Variants in EPHA7 observed in about 807,000 individuals in gnomAD.
The protein encoded by EPHA7 is EPH receptor A7, also known as ephrin type-A receptor 7.
EPHA7 carries 25 observed loss-of-function variants against 112.6 expected under a neutral mutation model. The observed-to-expected ratio is 0.22, with a 90% confidence interval of 0.16 to 0.31. The LOEUF (loss-of-function observed/expected upper bound fraction) is 0.31. Ranked by LOEUF, EPHA7 falls within the 10% of genes least tolerant of loss-of-function variation. The pLI is 1.00. For missense variants in EPHA7, 962 were observed against 1,212.6 expected, an observed-to-expected ratio of 0.79 and a Z score of 3.07; for synonymous variants, 437 against 406.5, an observed-to-expected ratio of 1.07 and a Z score of -0.90.
chr6:93,402,582 A>G (rs1245084276), intron 3 of EPHA7, among the ~76,000 whole-genome samples: 1 of 152,052 alleles, frequency 6.6e-6, no homozygotes, highest in Non-Finnish European at 1.5e-5. Flanking sequence ...GACATAAAAA[A>G]TTGTAAAGGT....
At chr6:93,322,431 GC>G (rs1299684813) in intron 5 of EPHA7, among the ~76,000 whole-genome samples, 2 of 151,434 alleles carry the variant, frequency 1.3e-5, no homozygotes, top group African/African-American at 4.8e-5. Context: ...AAAATATAAA[GC>G]CCCCCAGGAA....
At chr6:93,300,875 C>T (rs72914220) in intron 5 of EPHA7, among the ~76,000 whole-genome samples, 13,046 of 152,178 alleles carry the variant, frequency 0.086, 777 homozygotes, top group Non-Finnish European at 0.13. Flanking sequence ...CTTACACAAA[C>T]TGAGATAGTA....
chr6:93,296,851 T>C (rs1007429900), intron 5 of EPHA7, among the ~76,000 whole-genome samples: 10 of 151,902 alleles, frequency 6.6e-5, no homozygotes, highest in Admixed American at 2.6e-4. Context: ...GCCTATCACA[T>C]TGGCAACTTC....
At position 93,274,189 on chromosome 6, in the gene EPHA7, T is replaced by C. The variant is rs148585221; in HGVS notation, c.1325-1767A>G. Among the ~76,000 whole-genome samples the C allele has an allele frequency of 4.7e-3, 720 of 151,980 alleles. 8 individuals are homozygous for C. The highest frequency in any genetic ancestry group is 0.017 in the African/African-American group (691 of 41,494). ...CTAGGTTTCTTTCAAATAACACCAA[T>C]AGCCTACTGTGATTTTCAGTATAAG... On this transcript the variant is annotated intron_variant, in intron 5 of 16. Coordinates refer to ENST00000369303, the MANE Select transcript of EPHA7 (RefSeq NM_004440.4).
At chr6:93,349,728 A>C (rs973595620) in intron 5 of EPHA7, among the ~76,000 whole-genome samples, 1 of 151,872 alleles carries the variant, frequency 6.6e-6, no homozygotes, top group African/African-American at 2.4e-5. Flanking sequence ...AATCAATCTT[A>C]TATATTCCTA....
At chr6:93,369,501 T>C (rs1430146933) in intron 3 of EPHA7, among the ~76,000 whole-genome samples, 2 of 152,194 alleles carry the variant, frequency 1.3e-5, no homozygotes, top group Non-Finnish European at 2.9e-5. Context: ...AATAACCCTA[T>C]ATAGTTTCAT....
At chr6:93,337,469 G>A (rs911983815) in intron 5 of EPHA7, among the ~76,000 whole-genome samples, 4 of 152,086 alleles carry the variant, frequency 2.6e-5, no homozygotes, top group Non-Finnish European at 5.9e-5. Flanking sequence ...AAATCAGTTT[G>A]GGCATTGTGC....
chr6:93,299,021 C>T (rs1582473825), intron 5 of EPHA7, among the ~76,000 whole-genome samples: 1 of 151,892 alleles, frequency 6.6e-6, no homozygotes, highest in African/African-American at 2.4e-5. Flanking sequence ...TACATATGGC[C>T]AACAAGCTTA....
At chr6:93,308,174 C>T (rs981786079) in intron 5 of EPHA7, among the ~76,000 whole-genome samples, 1 of 152,082 alleles carries the variant, frequency 6.6e-6, no homozygotes, top group African/African-American at 2.4e-5. Flanking sequence ...GGTTTAATCA[C>T]TCGAGTGACA....
intron 16 of EPHA7, 33 bp from the exon 17 acceptor site, chr6:93,243,573 C>T (rs753452979): frequency 7.0e-7 from 1 of 1,435,634 alleles, no homozygotes; most frequent in African/African-American, 1.4e-5. Context: ...TTATTAGGTA[C>T]CTTACAAAGA....
At position 93,272,343 on chromosome 6, in the gene EPHA7, A is replaced by T; in HGVS notation, c.1404T>A (p.His468Gln). The part of the protein sequence containing the change: ...SVELSWQEPE[H>Q]PNGVITEYEI... ...CATATTCTGTGATGACTCCATTGGG[A>T]TGCTCTGGTTCCTGCCAGGAAAGCT... Residue 468 changes from histidine (H) to glutamine (Q), a missense_variant, in exon 6 of 17, where the codon CAT becomes CAA. Around this residue, in one of 3 missense-constraint regions of EPHA7, gnomAD observed 746 missense variants for 889.2 expected, o/e 0.84. Transcript: ENST00000369303. The T allele has an allele frequency of 6.2e-7, 1 of 1,612,164 alleles. No individual in the cohort carries two copies. The highest frequency in any genetic ancestry group is 1.3e-5 in the African/African-American group (1 of 74,860).
intron 5 of EPHA7, among the ~76,000 whole-genome samples, chr6:93,346,853 C>T (rs1775428373): frequency 6.6e-6 from 1 of 151,240 alleles, no homozygotes; most frequent in South Asian, 2.1e-4. Context: ...GAATATTCAG[C>T]TTACAAACTT....
intron 5 of EPHA7, among the ~76,000 whole-genome samples, chr6:93,304,371 T>C (rs897627361): frequency 6.6e-6 from 1 of 151,982 alleles, no homozygotes; most frequent in Admixed American, 6.6e-5. Context: ...CTAACGGAGT[T>C]GTGCAGAAAA....
intron 5 of EPHA7, among the ~76,000 whole-genome samples, chr6:93,272,661 G>C (rs1375184279): frequency 6.6e-6 from 1 of 151,894 alleles, no homozygotes. Context: ...GTTCAAGTTA[G>C]TGAAAAATGG....
chr6:93,384,522 C>T (rs1484532113), intron 3 of EPHA7, among the ~76,000 whole-genome samples: 1 of 152,108 alleles, frequency 6.6e-6, no homozygotes, highest in Non-Finnish European at 1.5e-5. Context: ...TTCTACTTTC[C>T]TAGCTTTATC....
intron 5 of EPHA7, among the ~76,000 whole-genome samples, chr6:93,294,345 T>C: frequency 6.6e-6 from 1 of 152,194 alleles, no homozygotes; most frequent in Non-Finnish European, 1.5e-5. Context: ...TCAGGGATGA[T>C]GTGACAAGGT....
rs71542009 is a variant in EPHA7 at position 93,311,114 on chromosome 6, A to ATTT, written c.1325-38695_1325-38693dup. ...ACAGGCATGTGCATCATGCCCAGCT[A>ATTT]TTTTTTTTTTTTTTTTTTTTTTTTT... On this transcript the variant is annotated intron_variant, in intron 5 of 16. Coordinates refer to ENST00000369303, the MANE Select transcript of EPHA7 (RefSeq NM_004440.4). Among the ~76,000 whole-genome samples the ATTT allele has an allele frequency of 5.9e-4, 46 of 78,510 alleles. 4 individuals carry two copies. Among genetic ancestry groups the ATTT allele is most frequent in the Non-Finnish European group, 7.7e-4 (33 of 42,740 alleles). 51.5% of individuals were successfully genotyped at this position (78,510 alleles called of 152,430 possible). A position where few individuals can be genotyped will look rare whatever the true frequency, so the allele number is the denominator to read the frequency against.
chr6:93,419,158 G>A (rs1261849633), intron 1 of EPHA7, 87 bp downstream of exon 1: 6 of 1,118,880 alleles, frequency 5.4e-6, no homozygotes, highest in Non-Finnish European at 4.9e-6. Context: ...CGGAGGCGCG[G>A]CCGGCAGCGC....
At chr6:93,379,262 T>C (rs1350227323) in intron 3 of EPHA7, among the ~76,000 whole-genome samples, 2 of 152,050 alleles carry the variant, frequency 1.3e-5, no homozygotes, top group Non-Finnish European at 2.9e-5. Flanking sequence ...AAAATTTGAA[T>C]TGCCTCTTCC....
Sources: allele counts gnomAD v4.1 joint callset (sites outside exome capture counted in the v4.1 genomes callset), GRCh38; gene constraint gnomAD v4.1.1; regional missense constraint gnomAD v4.1.1; transcripts MANE v1.5; gene names NCBI Gene and HGNC (gene_info 2026-07-23, HGNC 2026-07-21).